The following ZNF277 variants were observed in gnomAD, a reference collection of about 807,000 sequenced individuals.
ZNF277 encodes zinc finger protein 277.
A neutral mutation model predicts 60.7 loss-of-function variants in ZNF277; 55 were observed. The observed-to-expected ratio is 0.91, with a 90% CI of 0.73 to 1.13. ZNF277 has a LOEUF of 1.13. Ranked by LOEUF, ZNF277 falls within the 50% of genes most tolerant of loss-of-function variation. The pLI is 0.00. For synonymous variants in ZNF277, 178 were observed against 179.3 expected, an observed-to-expected ratio of 0.99 and a Z score of 0.06; for missense variants, 510 against 523.0, an observed-to-expected ratio of 0.98 and a Z score of 0.24.
In ZNF277 at chr7:112,207,271, G is replaced by C. The variant is rs115038168; in HGVS notation, c.91+464G>C. Among the ~76,000 whole-genome samples the C allele has an allele frequency of 1.0e-3, 155 of 152,318 alleles. 1 individual carries two copies. The highest frequency in any genetic ancestry group is 3.6e-3 in the African/African-American group (150 of 41,564). ...AGCTTCCGGAGTATTTCCAGTCGCA[G>C]ACTGGTGGTCACTGCTCTCCACTCT... On this transcript the variant is annotated intron_variant, in intron 1 of 11. Transcript: ENST00000361822.
chr7:112,238,084 TTC>T, intron 1 of ZNF277, among the ~76,000 whole-genome samples: 1 of 152,150 alleles, frequency 6.6e-6, no homozygotes, highest in Non-Finnish European at 1.5e-5. Flanking sequence ...AGAAAGCACC[TTC>T]ATAAGAACCA....
At chr7:112,219,248 T>C (rs1209642565) in intron 1 of ZNF277, among the ~76,000 whole-genome samples, 1 of 152,238 alleles carries the variant, frequency 6.6e-6, no homozygotes, top group Non-Finnish European at 1.5e-5. Context: ...AGCTTTTTCC[T>C]TTAGTTGCCT....
At chr7:112,323,636 C>A (rs534472302) in intron 5 of ZNF277, among the ~76,000 whole-genome samples, 1 of 152,330 alleles carries the variant, frequency 6.6e-6, no homozygotes, top group Non-Finnish European at 1.5e-5. Context: ...ACCATTCTTA[C>A]CACAGTTGAG....
intron 4 of ZNF277, among the ~76,000 whole-genome samples, chr7:112,304,364 A>G: frequency 6.6e-6 from 1 of 152,090 alleles, no homozygotes; most frequent in East Asian, 1.9e-4. Context: ...GTCATTCCCA[A>G]TGCTGTTCAG....
chr7:112,315,932 C>T (rs1242823662), intron 4 of ZNF277, among the ~76,000 whole-genome samples: 1 of 152,122 alleles, frequency 6.6e-6, no homozygotes, highest in African/African-American at 2.4e-5. Flanking sequence ...TCACTGTCCC[C>T]TGGCTTCTGA....
chr7:112,265,972 GGTCA>G (rs1373782699), intron 1 of ZNF277, among the ~76,000 whole-genome samples: 1 of 152,042 alleles, frequency 6.6e-6, no homozygotes, highest in Non-Finnish European at 1.5e-5. Context: ...AGAAAAGAAG[GGTCA>G]GTATTTGGAG....
At chr7:112,333,998 C>G (rs1257831416) in intron 7 of ZNF277, among the ~76,000 whole-genome samples, 3 of 152,262 alleles carry the variant, frequency 2.0e-5, no homozygotes, top group Admixed American at 6.5e-5. Flanking sequence ...ATTGGTTTTG[C>G]TATGATTTTT....
chr7:112,311,758 G>A (rs1792738188), intron 4 of ZNF277, among the ~76,000 whole-genome samples: 1 of 152,050 alleles, frequency 6.6e-6, no homozygotes, highest in Non-Finnish European at 1.5e-5. Context: ...AGAAGGAGAG[G>A]AGAGAAGAAA....
At chr7:112,316,319 G>A (rs764281113) in intron 4 of ZNF277, among the ~76,000 whole-genome samples, 2 of 151,910 alleles carry the variant, frequency 1.3e-5, no homozygotes, top group African/African-American at 2.4e-5. Context: ...TGAAGGGTTT[G>A]TTGGTTTTTT....
chr7:112,296,904 ATTTATTTATTTTTTT>A (rs1792354516), intron 4 of ZNF277, among the ~76,000 whole-genome samples: 1 of 32,854 alleles, frequency 3.0e-5, no homozygotes, highest in Non-Finnish European at 5.4e-5. Context: ...TTATTTATTT[ATTTATTTATTTTTTT>A]TTTTTTTTTT....
At chr7:112,233,835 A>T (rs1051445901) in intron 1 of ZNF277, among the ~76,000 whole-genome samples, 5 of 152,124 alleles carry the variant, frequency 3.3e-5, no homozygotes, top group Non-Finnish European at 7.4e-5. Context: ...CACCTTTTCT[A>T]GTTGTATTCT....
At chr7:112,289,343 T>C (rs1249338368) in intron 2 of ZNF277, among the ~76,000 whole-genome samples, 2 of 152,222 alleles carry the variant, frequency 1.3e-5, no homozygotes, top group Non-Finnish European at 2.9e-5. Context: ...CTTCTGTGTA[T>C]GTTGCCTTAT....
chr7:112,208,081 T>G (rs1377900591), intron 1 of ZNF277, among the ~76,000 whole-genome samples: 5 of 152,204 alleles, frequency 3.3e-5, no homozygotes, highest in Non-Finnish European at 7.3e-5. Flanking sequence ...ACAGTCTAAC[T>G]TATTTTAAAA....
At chr7:112,317,134 A>T (rs1219371002) in intron 4 of ZNF277, among the ~76,000 whole-genome samples, 1 of 152,018 alleles carries the variant, frequency 6.6e-6, no homozygotes, top group African/African-American at 2.4e-5. Flanking sequence ...GGAACATCAT[A>T]CACCAAGGCC....
chr7:112,244,656 C>G (rs985295843), intron 1 of ZNF277, among the ~76,000 whole-genome samples: 4 of 152,012 alleles, frequency 2.6e-5, no homozygotes, highest in African/African-American at 4.8e-5. Flanking sequence ...TTTTAAGTAT[C>G]ATATACATAT....
intron 1 of ZNF277, among the ~76,000 whole-genome samples, chr7:112,282,142 A>G (rs556773073): frequency 6.6e-6 from 1 of 152,238 alleles, no homozygotes; most frequent in Admixed American, 6.5e-5. Flanking sequence ...ATGAAAATAC[A>G]TAAGACTTAG....
At chr7:112,210,321 AGAGT>A (rs1177314976) in intron 1 of ZNF277, among the ~76,000 whole-genome samples, 16 of 152,142 alleles carry the variant, frequency 1.1e-4, no homozygotes, top group South Asian at 4.1e-4. Flanking sequence ...AATCTCTGCT[AGAGT>A]GAGTCAGTGG....
intron 1 of ZNF277, 91 bp from the exon 2 acceptor site, chr7:112,286,782 T>G: frequency 9.2e-7 from 1 of 1,087,578 alleles, no homozygotes; most frequent in Admixed American, 2.9e-5. Context: ...TAGGATCTTT[T>G]TAATGCAGGA....
chr7:112,292,655 T>C (rs1024509850), intron 2 of ZNF277, among the ~76,000 whole-genome samples: 4 of 152,176 alleles, frequency 2.6e-5, no homozygotes, highest in African/African-American at 7.2e-5. Flanking sequence ...TTGTAGAAGA[T>C]TGAGTTTGGC....
Sources: allele counts gnomAD v4.1 joint callset (sites outside exome capture counted in the v4.1 genomes callset), GRCh38; gene constraint gnomAD v4.1.1; transcripts MANE v1.5; gene names NCBI Gene and HGNC (gene_info 2026-07-23, HGNC 2026-07-21).